Variants in TENM3 observed in about 807,000 individuals in gnomAD.
TENM3 encodes teneurin transmembrane protein 3.
Under a neutral mutation model 255.1 loss-of-function variants are expected in TENM3, and 63 were observed. The ratio of observed to expected loss-of-function variants is 0.25; its 90% CI spans 0.20 to 0.30. The LOEUF (loss-of-function observed/expected upper bound fraction) is 0.30. TENM3 is among the 10% of genes least tolerant of loss of function. The probability of loss-of-function intolerance (pLI) is 1.00; values close to 1 mark genes in which losing one functional copy is unlikely to be tolerated. For missense variants in TENM3, 2,929 were observed against 3,461.1 expected (o/e 0.85, Z 3.86); for synonymous variants, 1,306 against 1,322.3 (o/e 0.99, Z 0.27).
the TENM3 span, among the ~76,000 whole-genome samples, chr4:182,125,616 G>A: frequency 1.3e-5 from 2 of 152,178 alleles, no homozygotes; most frequent in African/African-American, 4.8e-5. Context: ...TAAAGGAGAT[G>A]AGAGTAGAAC....
At chr4:182,060,160 C>A in the TENM3 span, among the ~76,000 whole-genome samples, 1 of 152,050 alleles carries the variant, frequency 6.6e-6, no homozygotes, top group Non-Finnish European at 1.5e-5. Context: ...TCGCTTAAGT[C>A]CAGGAGTTTG....
intron 16 of TENM3, 109 bp from the exon 17 acceptor site, chr4:182,736,697 GAC>G (rs1761196726): frequency 3.8e-6 from 4 of 1,045,430 alleles, no homozygotes; most frequent in Non-Finnish European, 5.4e-6. Context: ...AGTAAACTAA[GAC>G]ACAGAGAGTC....
At chr4:181,562,897 A>C in the TENM3 span, among the ~76,000 whole-genome samples, 38 of 152,024 alleles carry the variant, frequency 2.5e-4, no homozygotes, top group African/African-American at 9.2e-4. Context: ...CTGGTCTCGA[A>C]TTTCTGACAT....
the TENM3 span, among the ~76,000 whole-genome samples, chr4:181,603,848 A>C: frequency 6.6e-6 from 1 of 152,236 alleles, no homozygotes; most frequent in Admixed American, 6.5e-5. Context: ...GGCTAGAAAT[A>C]AAGATGACTT....
the TENM3 span, among the ~76,000 whole-genome samples, chr4:181,494,582 G>C: frequency 6.6e-6 from 1 of 152,070 alleles, no homozygotes; most frequent in Non-Finnish European, 1.5e-5. Flanking sequence ...CACCGCACCC[G>C]GCTCAGCTTC....
chr4:182,313,055 T>C (rs912742867), intron 1 of TENM3, among the ~76,000 whole-genome samples: 1 of 152,176 alleles, frequency 6.6e-6, no homozygotes, highest in Non-Finnish European at 1.5e-5. Context: ...TGTTTTGAAA[T>C]CATAGAATAT....
chr4:181,996,997 G>T, the TENM3 span, among the ~76,000 whole-genome samples: 2 of 152,306 alleles, frequency 1.3e-5, no homozygotes, highest in African/African-American at 2.4e-5. Flanking sequence ...TTGATGCAAA[G>T]AAATCATCAT....
chr4:182,431,048 CAA>C (rs1771603894), intron 3 of TENM3, among the ~76,000 whole-genome samples: 1 of 143,884 alleles, frequency 7.0e-6, no homozygotes, highest in Non-Finnish European at 1.5e-5. Flanking sequence ...AACAAACAAA[CAA>C]ACAAACAAAT....
chr4:181,803,260 TACAA>T, the TENM3 span, among the ~76,000 whole-genome samples: 2 of 152,116 alleles, frequency 1.3e-5, no homozygotes, highest in African/African-American at 4.8e-5. Context: ...TCCAAACAAT[TACAA>T]ACAAAGCAAG....
At chr4:182,651,371 C>T (rs1195254184) in intron 5 of TENM3, among the ~76,000 whole-genome samples, 1 of 152,002 alleles carries the variant, frequency 6.6e-6, no homozygotes, top group Non-Finnish European at 1.5e-5. Context: ...TTGAAGAATC[C>T]TATAACCTAT....
chr4:181,734,520 T>TAC, the TENM3 span, among the ~76,000 whole-genome samples: 12 of 152,246 alleles, frequency 7.9e-5, no homozygotes, highest in African/African-American at 2.6e-4. Flanking sequence ...TATGCATATA[T>TAC]ACACACACAT....
At chr4:181,896,663 T>C in the TENM3 span, among the ~76,000 whole-genome samples, 1 of 152,144 alleles carries the variant, frequency 6.6e-6, no homozygotes, top group Admixed American at 6.5e-5. Flanking sequence ...CATTGACCAC[T>C]GGGGTGTATT....
the TENM3 span, among the ~76,000 whole-genome samples, chr4:182,064,593 A>G: frequency 6.9e-4 from 104 of 151,408 alleles, no homozygotes; most frequent in African/African-American, 2.5e-3. Flanking sequence ...AAAAAAAAAG[A>G]AATTTGACTT....
At chr4:182,148,346 T>G (rs1474426728) in intron 1 of TENM3, among the ~76,000 whole-genome samples, 1 of 152,172 alleles carries the variant, frequency 6.6e-6, no homozygotes, top group African/African-American at 2.4e-5. Context: ...ATGGCTTGTA[T>G]GAGTTTCAAA....
the TENM3 span, among the ~76,000 whole-genome samples, chr4:182,103,687 A>G: frequency 6.6e-6 from 1 of 152,198 alleles, no homozygotes; most frequent in African/African-American, 2.4e-5. Flanking sequence ...CCAACTTCAG[A>G]AAAACTCCTT....
intron 3 of TENM3, among the ~76,000 whole-genome samples, chr4:182,516,312 G>A (rs187703598): frequency 1.6e-4 from 24 of 152,228 alleles, no homozygotes; most frequent in African/African-American, 2.6e-4. Flanking sequence ...AATGAGTGTC[G>A]AAATCCTTTA....
intron 24 of TENM3, among the ~76,000 whole-genome samples, chr4:182,776,102 G>A (rs1425046716): frequency 6.6e-6 from 1 of 152,086 alleles, no homozygotes; most frequent in African/African-American, 2.4e-5. Flanking sequence ...AGAATCAAAT[G>A]AGATAATGTG....
chr4:182,017,733 A>C, the TENM3 span, among the ~76,000 whole-genome samples: 1 of 152,346 alleles, frequency 6.6e-6, no homozygotes. Flanking sequence ...AGGGAGTGAT[A>C]AAATCCTATA....
intron 3 of TENM3, among the ~76,000 whole-genome samples, chr4:182,387,306 GCCTTGGAGAACCTGTGTGT>G (rs914942509): frequency 7.2e-5 from 11 of 152,302 alleles, no homozygotes; most frequent in Admixed American, 2.0e-4. Context: ...CTCTGGTGGG[GCCTTGGAGAACCTGTGTGT>G]CCTTGGAGAA....
Sources: allele counts gnomAD v4.1 joint callset (sites outside exome capture counted in the v4.1 genomes callset), GRCh38; gene constraint gnomAD v4.1.1; transcripts MANE v1.5; gene names NCBI Gene and HGNC (gene_info 2026-07-23, HGNC 2026-07-21).